The following TRPC5 variants were observed in gnomAD, a reference collection of about 807,000 sequenced individuals.
The protein encoded by TRPC5 is transient receptor potential cation channel subfamily C member 5, also known as short transient receptor potential channel 5.
Under a neutral mutation model 56.5 loss-of-function variants are expected in TRPC5, and 9 were observed. The observed-to-expected ratio is 0.16, with a 90% confidence interval of 0.10 to 0.28. The LOEUF (loss-of-function observed/expected upper bound fraction) is 0.28, where lower values mean the gene tolerates loss of function less well. Ranked by LOEUF, TRPC5 falls within the 10% of genes least tolerant of loss-of-function variation. The pLI, the probability that TRPC5 is intolerant of heterozygous loss-of-function variation, is 1.00. For synonymous variants in TRPC5, 282 were observed against 278.5 expected (o/e 1.01, Z -0.13); for missense variants, 469 against 748.9 (o/e 0.63, Z 4.36).
rs1189654436 is a variant in TRPC5, at chrX:111,775,459, A to G, written c.*854T>C. ...AATATGACAACTATTTATCTTGCCA[A>G]TGTATGAGATGTAGTGACTATTGGT... On this transcript the variant is annotated 3_prime_UTR_variant, in exon 11 of 11. Transcript: ENST00000262839. The G allele has an allele frequency of 2.7e-5, 3 of 112,230 alleles. No homozygotes were observed. The highest frequency in any genetic ancestry group is 9.5e-5 in the Admixed American group (1 of 10,574). 9.2% of individuals were successfully genotyped at this position (112,230 alleles called of 1,213,427 possible).
intron 2 of TRPC5, among the ~76,000 whole-genome samples, chrX:111,914,266 C>T (rs997058314): frequency 8.9e-6 from 1 of 112,030 alleles, no homozygotes; most frequent in African/African-American, 3.2e-5. Flanking sequence ...GGAGTCTCAT[C>T]GAATAGACAA....
chrX:112,065,073 G>A lies in TRPC5; in HGVS notation c.-22+16806C>T, dbSNP rs771978815. 1.8e-3 allele frequency among the ~76,000 whole-genome samples: 169 copies of A among 93,119 alleles called. 3 individuals carry two copies. Among genetic ancestry groups the A allele is most frequent in the Admixed American group, 0.016 (138 of 8,557 alleles). The allele number at this position is 93,119 out of a possible 115,157, so 80.9% of individuals were successfully genotyped here. The stretch of plus-strand genomic sequence containing the variant: ...CAGCCTGGGAGACCAGCGAGACTAC[G>A]TCTCAAAAAAAAAAAAAAAACAAAA... On this transcript the variant is annotated intron_variant, in intron 1 of 10. Transcript: ENST00000262839.
chrX:111,796,945 G>A (rs1921117564), intron 7 of TRPC5, among the ~76,000 whole-genome samples: 1 of 112,098 alleles, frequency 8.9e-6, no homozygotes, highest in Non-Finnish European at 1.9e-5. Context: ...TTAGGCTGCT[G>A]TGCTGTTAAA....
rs940659325 is a variant in TRPC5 at position 111,964,849 on chromosome X, G to A, written c.-21-12408C>T. Reference sequence around the variant, plus strand: ...GCACTAAACATGGAAAGGAACAACCGGTACCAGCCACTGCAAAAACATGCT... The same window carrying A: ...GCACTAAACATGGAAAGGAACAACCAGTACCAGCCACTGCAAAAACATGCT... On this transcript the variant is annotated intron_variant, in intron 1 of 10. Coordinates refer to ENST00000262839, the MANE Select transcript of TRPC5 (RefSeq NM_012471.3). 1.3e-4 allele frequency among the ~76,000 whole-genome samples: 14 copies of A among 111,707 alleles called. No individual in the cohort carries two copies. The East Asian group carries it at 2.0e-3, about 16-fold the overall frequency.
intron 1 of TRPC5, among the ~76,000 whole-genome samples, chrX:112,031,595 A>G: frequency 9.0e-6 from 1 of 110,896 alleles, no homozygotes; most frequent in Non-Finnish European, 1.9e-5. Context: ...TTAAAAAAAT[A>G]ATTTATTGAG....
chrX:111,981,102 C>A (rs966077500), intron 1 of TRPC5, among the ~76,000 whole-genome samples: 3 of 109,237 alleles, frequency 2.7e-5, no homozygotes, highest in Non-Finnish European at 5.7e-5. Context: ...GCTGAGAAAT[C>A]CCAAGATCTG....
intron 1 of TRPC5, among the ~76,000 whole-genome samples, chrX:111,955,448 G>C (rs764930985): frequency 8.9e-6 from 1 of 112,192 alleles, no homozygotes; most frequent in Non-Finnish European, 1.9e-5. Context: ...TGCGGGTGAA[G>C]TGATGGAGGG....
intron 2 of TRPC5, among the ~76,000 whole-genome samples, chrX:111,943,005 G>A (rs1219655036): frequency 9.0e-6 from 1 of 111,493 alleles, no homozygotes; most frequent in Non-Finnish European, 1.9e-5. Context: ...ACTAGTAGGA[G>A]TAGGAGTAGT....
chrX:111,909,112 C>T (rs1293986465), intron 3 of TRPC5, among the ~76,000 whole-genome samples: 2 of 103,302 alleles, frequency 1.9e-5, no homozygotes, highest in African/African-American at 3.6e-5. Flanking sequence ...GGCGAAACCC[C>T]GTCTCTACTA....
At chrX:111,972,010 C>T (rs1440430738) in intron 1 of TRPC5, among the ~76,000 whole-genome samples, 1 of 111,704 alleles carries the variant, frequency 9.0e-6, no homozygotes, top group Non-Finnish European at 1.9e-5. Context: ...ATCTATTCTC[C>T]CAGATACCCA....
intron 7 of TRPC5, among the ~76,000 whole-genome samples, chrX:111,822,910 A>G (rs1245118284): frequency 9.0e-6 from 1 of 111,311 alleles, no homozygotes; most frequent in African/African-American, 3.3e-5. Flanking sequence ...TTCCCGATGA[A>G]CATCCCAGCT....
At chrX:111,899,570 A>C in intron 3 of TRPC5, among the ~76,000 whole-genome samples, 1 of 111,312 alleles carries the variant, frequency 9.0e-6, no homozygotes, top group Non-Finnish European at 1.9e-5. Context: ...AAGCTGAGAA[A>C]AAAAACTGGG....
intron 1 of TRPC5, among the ~76,000 whole-genome samples, chrX:111,956,484 G>A (rs1228189060): frequency 9.0e-6 from 1 of 111,103 alleles, no homozygotes; most frequent in Non-Finnish European, 1.9e-5. Flanking sequence ...AGAAGCTGAT[G>A]ATAATGGCTG....
At chrX:111,970,391 G>A (rs1927746380) in intron 1 of TRPC5, among the ~76,000 whole-genome samples, 1 of 111,404 alleles carries the variant, frequency 9.0e-6, no homozygotes, top group Non-Finnish European at 1.9e-5. Flanking sequence ...GTTCTGCTGA[G>A]TACTCCCTTA....
intron 1 of TRPC5, among the ~76,000 whole-genome samples, chrX:111,999,836 C>A (rs1457263591): frequency 1.8e-5 from 2 of 111,267 alleles, no homozygotes; most frequent in Non-Finnish European, 3.8e-5. Context: ...CATGGTGGTA[C>A]ACACCTGTGA....
chrX:111,807,407 G>A (rs183264585), intron 7 of TRPC5, among the ~76,000 whole-genome samples: 4 of 111,983 alleles, frequency 3.6e-5, no homozygotes, highest in East Asian at 5.6e-4. Context: ...ATTTCTTCCC[G>A]ATTCTTTTAA....
chrX:111,976,417 C>CT (rs1927930884), intron 1 of TRPC5, among the ~76,000 whole-genome samples: 1 of 110,893 alleles, frequency 9.0e-6, no homozygotes, highest in African/African-American at 3.3e-5. Context: ...CTCTCACTGA[C>CT]AGAGTGAGAC....
intron 3 of TRPC5, among the ~76,000 whole-genome samples, chrX:111,873,801 A>T (rs946315184): frequency 7.2e-5 from 8 of 110,539 alleles, no homozygotes; most frequent in Non-Finnish European, 1.3e-4. Flanking sequence ...AATAAATAAA[A>T]AAAATTTGAA....
intron 1 of TRPC5, among the ~76,000 whole-genome samples, chrX:112,005,339 G>A (rs1928807525): frequency 9.2e-6 from 1 of 108,114 alleles, no homozygotes; most frequent in African/African-American, 3.4e-5. Context: ...GAGAAGATCA[G>A]GAAAAATAAT....
Sources: gnomAD v4.1 joint callset for allele counts (sites outside exome capture counted in the v4.1 genomes callset) on GRCh38, gnomAD v4.1.1 for gene constraint, MANE v1.5 for transcripts, NCBI Gene and HGNC (gene_info 2026-07-23, HGNC 2026-07-21) for gene names.